STK32B: variants seen among roughly 807,000 people sequenced by gnomAD.
The protein encoded by STK32B is serine/threonine kinase 32B, also known as serine/threonine-protein kinase 32B.
A neutral mutation model predicts 52.6 loss-of-function variants in STK32B; 43 were observed. That is an observed-to-expected ratio of 0.82 (90% CI 0.64 to 1.05). The LOEUF is 1.05. Ranked by LOEUF, STK32B falls within the 50% of genes least tolerant of loss-of-function variation. The pLI is 0.00. For missense variants in STK32B, 621 were observed against 534.6 expected, an observed-to-expected ratio of 1.16 and a Z score of -1.59; for synonymous variants, 238 against 204.3, an observed-to-expected ratio of 1.17 and a Z score of -1.41.
At chr4:5,232,328 A>G (rs1002894169) in intron 3 of STK32B, among the ~76,000 whole-genome samples, 4 of 152,236 alleles carry the variant, frequency 2.6e-5, no homozygotes, top group Middle Eastern at 6.3e-3. Flanking sequence ...ATGGCAAAGT[A>G]ATAATGACAT....
At position 5,052,027 on chromosome 4, in the gene STK32B, T is replaced by C. The variant is rs562628662; in HGVS notation, c.52+112T>C. ...GCTGCCCGGCGCGGGGACCCAGGCA[T>C]GGCCACTTCGCCCAGCGAATGCAGT... On this transcript the variant is annotated intron_variant, in intron 1 of 11. Transcript: ENST00000282908. The C allele has an allele frequency of 2.0e-4, 296 of 1,470,602 alleles. 3 individuals are homozygous for C. The South Asian group carries it at 2.9e-3, about 15-fold the overall frequency. The allele number at this position is 1,470,602 out of a possible 1,614,324, so 91.1% of individuals were successfully genotyped here. A position where few individuals can be genotyped will look rare whatever the true frequency, so the allele number is the denominator to read the frequency against.
chr4:5,406,643 T>C (rs1737696240), intron 5 of STK32B, among the ~76,000 whole-genome samples: 1 of 152,196 alleles, frequency 6.6e-6, no homozygotes, highest in Non-Finnish European at 1.5e-5. Flanking sequence ...CCAAGGCTTA[T>C]GGCTTGCACC....
intron 1 of STK32B, among the ~76,000 whole-genome samples, chr4:5,107,518 T>G (rs983719326): frequency 7.9e-5 from 12 of 152,306 alleles, no homozygotes; most frequent in Admixed American, 2.6e-4. Flanking sequence ...GACAATCTTA[T>G]GAGGGTAAAA....
chr4:5,196,766 A>G (rs1018483577), intron 3 of STK32B, among the ~76,000 whole-genome samples: 1 of 151,790 alleles, frequency 6.6e-6, no homozygotes, highest in East Asian at 1.9e-4. Context: ...AATAAAATAG[A>G]TAAATATTAC....
intron 4 of STK32B, among the ~76,000 whole-genome samples, chr4:5,367,680 A>G (rs1416953556): frequency 6.6e-6 from 1 of 152,172 alleles, no homozygotes; most frequent in African/African-American, 2.4e-5. Context: ...GCGCATGGCC[A>G]GTTTATTATG....
At chr4:5,273,935 T>C (rs1560278061) in intron 3 of STK32B, among the ~76,000 whole-genome samples, 1 of 151,306 alleles carries the variant, frequency 6.6e-6, no homozygotes, top group East Asian at 2.0e-4. Flanking sequence ...GACACATGTA[T>C]ACATATGTAA....
rs988107491 is a variant in STK32B, at chr4:5,297,303, C to T, written c.261-33917C>T. Among the ~76,000 whole-genome samples the T allele has an allele frequency of 1.1e-4, 17 of 152,214 alleles. 1 individual carries two copies. The South Asian group carries it at 3.3e-3, about 30-fold the overall frequency. On this transcript the variant is annotated intron_variant, in intron 3 of 11. Transcript: ENST00000282908. ...TATCTTAGTGGTGTTCTCTGTATTT[C>T]CTGAATTTGAATGTTGGCCTGTTTT...
the STK32B span, among the ~76,000 whole-genome samples, chr4:5,023,724 G>A: frequency 2.6e-5 from 4 of 152,126 alleles, no homozygotes; most frequent in Admixed American, 2.0e-4. Context: ...ATTACATCAC[G>A]ATTAACGCCT....
chr4:5,196,664 T>G (rs1209611349), intron 3 of STK32B, among the ~76,000 whole-genome samples: 1 of 151,890 alleles, frequency 6.6e-6, no homozygotes, highest in Non-Finnish European at 1.5e-5. Context: ...GAGGTTGCAG[T>G]GAGCTGAGAT....
intron 11 of STK32B, among the ~76,000 whole-genome samples, chr4:5,479,711 C>T (rs775877537): frequency 2.0e-5 from 3 of 152,120 alleles, no homozygotes; most frequent in Non-Finnish European, 4.4e-5. Flanking sequence ...AGGGTATGCA[C>T]GATGGAACTG....
At chr4:5,138,039 C>T (rs988554399) in intron 1 of STK32B, among the ~76,000 whole-genome samples, 1 of 152,180 alleles carries the variant, frequency 6.6e-6, no homozygotes, top group Non-Finnish European at 1.5e-5. Flanking sequence ...CTGCTGGTTA[C>T]ATAACAAGCT....
intron 4 of STK32B, among the ~76,000 whole-genome samples, chr4:5,374,785 G>A (rs1298207048): frequency 6.7e-6 from 1 of 149,482 alleles, no homozygotes; most frequent in East Asian, 2.0e-4. Context: ...GGGGCGGGGG[G>A]GGAACACCAA....
intron 1 of STK32B, among the ~76,000 whole-genome samples, chr4:5,062,230 T>C (rs1289694575): frequency 6.6e-6 from 1 of 152,212 alleles, no homozygotes; most frequent in Non-Finnish European, 1.5e-5. Context: ...GTCTTCACTT[T>C]CTCGATGATA....
intron 5 of STK32B, among the ~76,000 whole-genome samples, chr4:5,403,665 G>C (rs1160686022): frequency 6.6e-6 from 1 of 152,126 alleles, no homozygotes. Flanking sequence ...AATGTGATGA[G>C]TGCTCCCCAA....
chr4:5,240,874 A>T (rs905220413), intron 3 of STK32B, among the ~76,000 whole-genome samples: 1 of 152,162 alleles, frequency 6.6e-6, no homozygotes, highest in Non-Finnish European at 1.5e-5. Flanking sequence ...ATTTGTGTGT[A>T]TCTGAGCTCA....
intron 3 of STK32B, among the ~76,000 whole-genome samples, chr4:5,197,452 C>G (rs1459360469): frequency 6.6e-6 from 1 of 152,236 alleles, no homozygotes. Context: ...CCACCCAGTC[C>G]TTCAGTCTGT....
At chr4:5,108,380 A>G (rs1294027600) in intron 1 of STK32B, among the ~76,000 whole-genome samples, 1 of 152,008 alleles carries the variant, frequency 6.6e-6, no homozygotes, top group Non-Finnish European at 1.5e-5. Flanking sequence ...TTTGGAGGGG[A>G]ATTGCCAGGT....
intron 6 of STK32B, among the ~76,000 whole-genome samples, chr4:5,426,249 C>T (rs1376202731): frequency 1.3e-5 from 2 of 152,116 alleles, no homozygotes; most frequent in Non-Finnish European, 2.9e-5. Context: ...TACTTGGTAT[C>T]GTCCCATCGT....
chr4:5,141,964 T>C (rs1014810850), intron 2 of STK32B, among the ~76,000 whole-genome samples: 1 of 152,114 alleles, frequency 6.6e-6, no homozygotes, highest in African/African-American at 2.4e-5. Context: ...CCCTGGAACC[T>C]CCCCAACCAA....
Sources: gnomAD v4.1 joint callset for allele counts (sites outside exome capture counted in the v4.1 genomes callset) on GRCh38, gnomAD v4.1.1 for gene constraint, MANE v1.5 for transcripts, NCBI Gene and HGNC (gene_info 2026-07-23, HGNC 2026-07-21) for gene names.